Variants in WDR36 observed in about 807,000 individuals in gnomAD.
WDR36 encodes WD repeat domain 36, also known as WD repeat-containing protein 36.
Under a neutral mutation model 112.7 loss-of-function variants are expected in WDR36, and 63 were observed. The observed-to-expected ratio is 0.56, with a 90% CI of 0.46 to 0.69. WDR36 has a LOEUF of 0.69. Among genes scored for constraint, WDR36 ranks in the 30% least tolerant of loss-of-function variants. WDR36 has a pLI of 0.00. For missense variants in WDR36, 1,226 were observed against 1,070.3 expected, an observed-to-expected ratio of 1.15 and a Z score of -2.03; for synonymous variants, 410 against 362.2, an observed-to-expected ratio of 1.13 and a Z score of -1.50.
rs376286901 is a variant in WDR36 at position 111,097,106 on chromosome 5, G to C, written c.218G>C (p.Cys73Ser). ...AATTCTGTTCCACAGGATATCTGCT[G>C]TATGGCAGCTGATGGCAGATTAGTC... Reference protein sequence around the residue: ...VSNSVPQDICCMAADGRLVFA... With the variant: ...VSNSVPQDICSMAADGRLVFA... The change falls in exon 3 of 23, where the codon TGT becomes TCT. Residue 73 changes from cysteine (C) to serine (S), a missense_variant. Coordinates refer to ENST00000513710, the MANE Select transcript of WDR36 (RefSeq NM_139281.3). 1.2e-6 allele frequency: 2 copies of C among 1,613,478 alleles called. No homozygotes were observed. The highest frequency in any genetic ancestry group is 1.7e-6 in the Non-Finnish European group (2 of 1,179,714).
chr5:111,099,463 G>GTTTT (rs67437234), intron 4 of WDR36, among the ~76,000 whole-genome samples: 27 of 84,954 alleles, frequency 3.2e-4, no homozygotes, highest in African/African-American at 7.2e-4. Context: ...TTTTTTTTTT[G>GTTTT]TTTTTTTTTT....
At chr5:111,104,863 G>C in intron 9 of WDR36, 46 bp downstream of exon 9, 1 of 1,608,348 alleles carries the variant, frequency 6.2e-7, no homozygotes, top group Non-Finnish European at 8.5e-7. Context: ...CAAGTATTGA[G>C]ATGTGGGTGC....
Position 111,104,834 on chromosome 5 carries a change from T to G in WDR36, c.1027+17T>G. The G allele has an allele frequency of 6.2e-7, 1 of 1,610,244 alleles. No homozygotes were observed. On this transcript the variant is annotated intron_variant, in intron 9 of 22. Transcript: ENST00000513710. ...TAAGTGCAAGTGAGCTTCTGCTTCATACTATTAGTTTATTTCAGCAAGTAT... is the reference window on the plus strand; with the variant it reads ...TAAGTGCAAGTGAGCTTCTGCTTCAGACTATTAGTTTATTTCAGCAAGTAT...
intron 19 of WDR36, among the ~76,000 whole-genome samples, chr5:111,123,503 A>G (rs145544286): frequency 2.0e-3 from 298 of 152,318 alleles, no homozygotes; most frequent in African/African-American, 7.0e-3. Flanking sequence ...TAATTGTTAT[A>G]TCTTCATGTA....
At chr5:111,103,500 G>T (rs1397582577) in intron 6 of WDR36, among the ~76,000 whole-genome samples, 1 of 151,618 alleles carries the variant, frequency 6.6e-6, no homozygotes, top group Non-Finnish European at 1.5e-5. Context: ...TTTTTCTGTT[G>T]TGGTTGTTTT....
chr5:111,094,790 CAGTA>C (rs1752941828), intron 1 of WDR36, 126 bp from the exon 2 acceptor site: 2 of 739,540 alleles, frequency 2.7e-6, no homozygotes, highest in South Asian at 3.7e-5. Flanking sequence ...AAATTAGTGT[CAGTA>C]AGTGTCTTTC....
chr5:111,097,234 G>A (rs1753012736), intron 3 of WDR36, 55 bp downstream of exon 3: 1 of 1,289,496 alleles, frequency 7.8e-7, no homozygotes, highest in Non-Finnish European at 1.1e-6. Flanking sequence ...TCATGATAGT[G>A]GAGGGAACTT....
In WDR36 at chr5:111,107,425, G is replaced by A; in HGVS notation, c.1312G>A (p.Asp438Asn). The A allele has an allele frequency of 1.2e-6, 2 of 1,609,934 alleles. No homozygotes were observed. Among genetic ancestry groups the A allele is most frequent in the Non-Finnish European group, 1.7e-6 (2 of 1,177,248 alleles). Reference protein sequence around the residue: ...FLKPKELKKDDITATAVDITS... With the variant: ...FLKPKELKKDNITATAVDITS... Reference sequence around the variant, plus strand: ...CAAGCCAAAAGAGTTGAAGAAAGATGACATAACTGCAACAGTAAGTGAGCT... The same window carrying A: ...CAAGCCAAAAGAGTTGAAGAAAGATAACATAACTGCAACAGTAAGTGAGCT... The change falls in exon 12 of 23, where the codon GAC becomes AAC. Residue 438 changes from aspartate to asparagine, a missense_variant. Asp to Asn is a conservative substitution (Grantham distance 23, BLOSUM62 1). Coordinates refer to ENST00000513710, the MANE Select transcript of WDR36 (RefSeq NM_139281.3).
At chr5:111,095,143 A>G (rs2072675434) in intron 2 of WDR36, 196 bp downstream of exon 2, 2 of 571,934 alleles carry the variant, frequency 3.5e-6, no homozygotes, top group South Asian at 4.2e-5. Flanking sequence ...TATTTTCTTT[A>G]ATCTGGAACT....
At position 111,113,161 on chromosome 5, in the gene WDR36, T is replaced by C. The variant is rs778203401; in HGVS notation, c.1796+8T>C. 1.9e-6 allele frequency: 3 copies of C among 1,553,660 alleles called. No individual in the cohort carries two copies. Among genetic ancestry groups the C allele is most frequent in the Non-Finnish European group, 2.7e-6 (3 of 1,131,458 alleles). ...GGACCTTCCTTCTGGGTGGTAAGTT[T>C]ATATTTCTAATTCCCTAACCTCTAT... On this transcript the variant is annotated splice_region_variant and intron_variant, in intron 16 of 22. Coordinates refer to ENST00000513710, the MANE Select transcript of WDR36 (RefSeq NM_139281.3).
intron 17 of WDR36, among the ~76,000 whole-genome samples, chr5:111,120,119 A>G (rs1753535384): frequency 6.6e-6 from 1 of 152,266 alleles, no homozygotes; most frequent in Non-Finnish European, 1.5e-5. Context: ...CAGCAGCCAC[A>G]AGAATATGCT....
At chr5:111,114,819 G>A (rs1377621156) in intron 16 of WDR36, among the ~76,000 whole-genome samples, 3 of 152,148 alleles carry the variant, frequency 2.0e-5, no homozygotes, top group Non-Finnish European at 4.4e-5. Context: ...TGTATAAATA[G>A]TAGAGTTGGC....
chr5:111,108,660 C>T (rs550949330), intron 12 of WDR36, among the ~76,000 whole-genome samples: 100 of 151,440 alleles, frequency 6.6e-4, no homozygotes, highest in South Asian at 1.5e-3. Flanking sequence ...TTCTGTCTGG[C>T]ATGGATTATT....
rs1753748141 is a variant in WDR36, at chr5:111,129,649, A to G, written c.*2766A>G. The G allele has an allele frequency of 4.9e-6, 1 of 205,578 alleles. No homozygotes were observed. Among genetic ancestry groups the G allele is most frequent in the African/African-American group, 2.3e-5 (1 of 43,760 alleles). 12.7% of individuals were successfully genotyped at this position (205,578 alleles called of 1,614,324 possible). On this transcript the variant is annotated 3_prime_UTR_variant, in exon 23 of 23. Transcript: ENST00000513710. ...TGCCAATGTTTTCTCCTACTTAGCC[A>G]TTTGGCTTTAATTTTACATGGTGTC... is the stretch of plus-strand genomic sequence containing the variant.
chr5:111,113,101 A>G lies in WDR36; in HGVS notation c.1744A>G (p.Ile582Val), dbSNP rs868161948. 1.3e-6 allele frequency: 2 copies of G among 1,533,282 alleles called. No homozygotes were observed. Among genetic ancestry groups the G allele is most frequent in the African/African-American group, 1.4e-5 (1 of 70,598 alleles). The allele number at this position is 1,533,282 out of a possible 1,614,324, so 95.0% of individuals were successfully genotyped here. A position where few individuals can be genotyped will look rare whatever the true frequency, so the allele number is the denominator to read the frequency against. Residue 582 changes from isoleucine to valine, a missense_variant, in exon 16 of 23, where the codon ATA (isoleucine) becomes GTA (valine). Ile to Val is a conservative substitution (Grantham distance 29). Coordinates refer to ENST00000513710, the MANE Select transcript of WDR36 (RefSeq NM_139281.3). ...TTTTAGTCCTGATGGTCGTTGGTTA[A>G]TAAGTGCTGCGATGGATTGCTCTAT... ...MAFSPDGRWL[I>V]SAAMDCSIRT...
rs886059778 is a variant in WDR36 at position 111,128,801 on chromosome 5, A to G, written c.*1918A>G. ...ATTTTATCTATATTTTCCTTAAAAT[A>G]TATCAATCTGTGCACACTCTTTCAG... is the stretch of plus-strand genomic sequence containing the variant. On this transcript the variant is annotated 3_prime_UTR_variant, in exon 23 of 23. Transcript: ENST00000513710. The G allele has an allele frequency of 8.2e-5, 15 of 182,792 alleles. No homozygotes were observed. Among genetic ancestry groups the G allele is most frequent in the African/African-American group, 1.9e-4 (8 of 42,466 alleles). 11.3% of individuals were successfully genotyped at this position (182,792 alleles called of 1,614,324 possible).
At chr5:111,107,840 C>T (rs970829263) in intron 12 of WDR36, among the ~76,000 whole-genome samples, 6 of 151,356 alleles carry the variant, frequency 4.0e-5, no homozygotes, top group African/African-American at 1.5e-4. Context: ...TTCCATTGAT[C>T]TGTATGTCTG....
intron 4 of WDR36, 41 bp from the exon 5 acceptor site, chr5:111,100,548 A>T: frequency 1.5e-6 from 2 of 1,325,628 alleles, no homozygotes; most frequent in Non-Finnish European, 2.1e-6. Flanking sequence ...AAACATTTTA[A>T]ACTATTTTAT....
Position 111,125,634 on chromosome 5 carries a change from G to A in WDR36, c.2377G>A (p.Glu793Lys). 1.2e-6 allele frequency: 2 copies of A among 1,613,712 alleles called. No individual in the cohort carries two copies. The highest frequency in any genetic ancestry group is 1.7e-6 in the Non-Finnish European group (2 of 1,179,786). Residue 793 changes from glutamate (E) to lysine (K), a missense_variant, in exon 22 of 23, where the codon GAA (glutamate) becomes AAA (lysine). Glu to Lys is a moderately conservative substitution (Grantham distance 56). Transcript: ENST00000513710. ...TGACACTGCTCTCAACCTTCTGAAA[G>A]AATCAGGCCCATCAGGAATTGAAAC... Reference protein sequence around the residue: ...KYDTALNLLKESGPSGIETEL... With the variant: ...KYDTALNLLKKSGPSGIETEL...
Sources: allele counts gnomAD v4.1 joint callset (sites outside exome capture counted in the v4.1 genomes callset), GRCh38; gene constraint gnomAD v4.1.1; transcripts MANE v1.5; gene names NCBI Gene and HGNC (gene_info 2026-07-23, HGNC 2026-07-21).